ZNF654: variants seen among roughly 807,000 people sequenced by gnomAD.
ZNF654 encodes zinc finger protein 654, also known as melanoma-associated antigen.
Under a neutral mutation model 95.3 loss-of-function variants are expected in ZNF654, and 19 were observed. The ratio of observed to expected loss-of-function variants is 0.20; its 90% CI spans 0.14 to 0.29. The LOEUF (loss-of-function observed/expected upper bound fraction) is 0.29, where lower values mean the gene tolerates loss of function less well. Among genes scored for constraint, ZNF654 ranks in the 10% least tolerant of loss-of-function variants. The pLI is 1.00. For missense variants in ZNF654, 1,046 were observed against 1,341.0 expected (o/e 0.78, Z 3.44); for synonymous variants, 413 against 457.9 (o/e 0.90, Z 1.25).
At chr3:88,129,321 TA>T (rs11370327) in intron 5 of ZNF654, among the ~76,000 whole-genome samples, 356 of 76,926 alleles carry the variant, frequency 4.6e-3, no homozygotes, top group African/African-American at 0.016. Flanking sequence ...TTGCCAGGAG[TA>T]AAAAAAAAAA....
intron 1 of ZNF654, among the ~76,000 whole-genome samples, chr3:88,066,265 C>T (rs13060730): frequency 0.78 from 119,202 of 152,166 alleles, 47,611 homozygotes; most frequent in South Asian, 0.91. Context: ...TAACCACTCA[C>T]TACATTGCTT....
At chr3:88,088,751 T>G (rs1708470990) in intron 2 of ZNF654, among the ~76,000 whole-genome samples, 1 of 125,518 alleles carries the variant, frequency 8.0e-6, no homozygotes, top group African/African-American at 2.8e-5. Context: ...TATTTATGTA[T>G]GTATGTATGT....
chr3:88,097,310 A>G (rs1255917856), intron 2 of ZNF654, among the ~76,000 whole-genome samples: 1 of 151,742 alleles, frequency 6.6e-6, no homozygotes. Context: ...ACCAATTTAC[A>G]TTCTTGCCAG....
At chr3:88,087,203 G>C (rs1186787353) in intron 2 of ZNF654, among the ~76,000 whole-genome samples, 2 of 152,016 alleles carry the variant, frequency 1.3e-5, no homozygotes, top group East Asian at 3.9e-4. Flanking sequence ...CTCAGCCCCA[G>C]AGTACTTGGG....
chr3:88,121,331 G>GT (rs1279671421), intron 3 of ZNF654, among the ~76,000 whole-genome samples: 1 of 151,972 alleles, frequency 6.6e-6, no homozygotes, highest in East Asian at 1.9e-4. Flanking sequence ...AAATTCTTAA[G>GT]TTTTTTAATG....
At chr3:88,128,765 ATCTTT>A (rs1706270681) in intron 4 of ZNF654, 39 bp from the exon 5 acceptor site, 1 of 1,355,800 alleles carries the variant, frequency 7.4e-7, no homozygotes, top group Non-Finnish European at 9.9e-7. Flanking sequence ...GTTTGAGAGA[ATCTTT>A]TCTTGAGAGT....
chr3:88,134,432 T>A (rs952448043), intron 6 of ZNF654, among the ~76,000 whole-genome samples: 6 of 152,084 alleles, frequency 3.9e-5, no homozygotes, highest in Admixed American at 3.9e-4. Flanking sequence ...ATATATCAGC[T>A]CTATCATATG....
At chr3:88,135,786 T>A (rs1334960075) in intron 7 of ZNF654, among the ~76,000 whole-genome samples, 2 of 152,136 alleles carry the variant, frequency 1.3e-5, no homozygotes, top group African/African-American at 4.8e-5. Flanking sequence ...CCTGCAGATC[T>A]TTTAGTTTTT....
rs1400420874 is a variant in ZNF654, at chr3:88,101,044, T to C, written c.333-12071T>C. 3.9e-5 allele frequency among the ~76,000 whole-genome samples: 6 copies of C among 152,326 alleles called. No homozygotes were observed. The South Asian group carries it at 8.3e-4, about 21-fold the overall frequency. On this transcript the variant is annotated intron_variant, in intron 2 of 8. Coordinates refer to ENST00000636215, the MANE Select transcript of ZNF654 (RefSeq NM_001350134.2). ...AACTATCACCTAGCTTCAACAGTTA[T>C]CAGTATATTGTCAATCTTGTTTCAG...
intron 2 of ZNF654, chr3:88,095,674 G>T: frequency 2.2e-6 from 1 of 462,714 alleles, no homozygotes; most frequent in South Asian, 1.6e-5. Flanking sequence ...TTTTGGACTT[G>T]ATACTGTCAG....
intron 3 of ZNF654, among the ~76,000 whole-genome samples, chr3:88,118,423 A>T (rs1705547159): frequency 6.6e-6 from 1 of 152,140 alleles, no homozygotes; most frequent in Admixed American, 6.6e-5. Flanking sequence ...AAGGAGTTGA[A>T]AAGCCCACCC....
rs572255028 is a variant in ZNF654, at chr3:88,114,412, G to A, written c.414+1216G>A. Reference sequence around the variant, plus strand: ...GTATGAAAAACATAACATTTGTGAAGGGATATATCCTTTATTTTTTCCCTT... The same window carrying A: ...GTATGAAAAACATAACATTTGTGAAAGGATATATCCTTTATTTTTTCCCTT... On this transcript the variant is annotated intron_variant, in intron 3 of 8. Transcript: ENST00000636215. 2.4e-4 allele frequency among the ~76,000 whole-genome samples: 37 copies of A among 152,242 alleles called. 1 individual carries two copies. The highest frequency in any genetic ancestry group is 8.4e-4 in the African/African-American group (35 of 41,544).
At position 88,113,167 on chromosome 3, in the gene ZNF654, C is replaced by T. The variant is rs1427859796; in HGVS notation, c.385C>T (p.Pro129Ser). 4 of 1,533,698 alleles carry T rather than the reference C, an allele frequency of 2.6e-6. No homozygotes were observed. The highest frequency in any genetic ancestry group is 3.5e-6 in the Non-Finnish European group (4 of 1,145,530). Reference protein sequence around the residue: ...FFGRDEFYEEPLKDILGSFQE... With the variant: ...FFGRDEFYEESLKDILGSFQE... ...TGGAAGAGATGAGTTTTATGAAGAG[C>T]CCTTAAAGGATATTCTTGGATCATT... Residue 129 changes from proline to serine, a missense_variant, in exon 3 of 9, where the codon CCC becomes TCC. This residue lies in a region of ZNF654 where 91 missense variants were observed against 190.5 expected (regional missense o/e 0.48). Coordinates refer to ENST00000636215, the MANE Select transcript of ZNF654 (RefSeq NM_001350134.2).
chr3:88,059,831 G>C (rs1301164795), intron 1 of ZNF654, among the ~76,000 whole-genome samples: 3 of 152,172 alleles, frequency 2.0e-5, no homozygotes, highest in African/African-American at 7.2e-5. Context: ...CGAGAGTCCC[G>C]CCTTTCTTAT....
rs1211641053 is a variant in ZNF654, at chr3:88,138,951, A to G, written c.1282A>G (p.Ser428Gly). ...PDEEYNEGTS[S>G]VQNRVRFELL... ...TGAAGAATATAATGAAGGCACAAGTAGTGTTCAAAATCGTGTTCGTTTTGA... is the reference window on the plus strand; with the variant it reads ...TGAAGAATATAATGAAGGCACAAGTGGTGTTCAAAATCGTGTTCGTTTTGA... The change falls in exon 8 of 9, where the codon AGT (serine) becomes GGT (glycine). Residue 428 changes from serine to glycine, a missense_variant. Ser to Gly is a moderately conservative substitution (Grantham distance 56). Around this residue, in one of 9 missense-constraint regions of ZNF654, gnomAD observed 78 missense variants for 154.2 expected, o/e 0.51. Transcript: ENST00000636215. The G allele has an allele frequency of 2.4e-6, 3 of 1,243,382 alleles. No individual in the cohort carries two copies. The African/African-American group carries it at 4.7e-5, about 19-fold the overall frequency. 77.0% of individuals were successfully genotyped at this position (1,243,382 alleles called of 1,614,324 possible). A position where few individuals can be genotyped will look rare whatever the true frequency, so the allele number is the denominator to read the frequency against.
rs1706957266 is a variant in ZNF654, at chr3:88,138,807, A to G, written c.1138A>G (p.Ile380Val). 3 of 1,232,040 alleles carry G rather than the reference A, an allele frequency of 2.4e-6. No homozygotes were observed. The highest frequency in any genetic ancestry group is 4.1e-5 in the South Asian group (1 of 24,320). 76.3% of individuals were successfully genotyped at this position (1,232,040 alleles called of 1,614,324 possible). ...AACTAAATGTCTAATTTATAAAACA[A>G]TTGCACATTTTTTGCCAAATGATTT... ...PKTKCLIYKT[I>V]AHFLPNDLEI... Residue 380 changes from isoleucine to valine, a missense_variant, in exon 8 of 9, where the codon ATT (isoleucine) becomes GTT (valine). Ile to Val is a conservative substitution (Grantham distance 29). Coordinates refer to ENST00000636215, the MANE Select transcript of ZNF654 (RefSeq NM_001350134.2).
chr3:88,061,937 C>T (rs1379731624), intron 1 of ZNF654, among the ~76,000 whole-genome samples: 1 of 152,056 alleles, frequency 6.6e-6, no homozygotes, highest in Admixed American at 6.5e-5. Context: ...GGTTTATCTT[C>T]CTCTTTTTAG....
intron 2 of ZNF654, among the ~76,000 whole-genome samples, chr3:88,100,163 CG>C (rs1353156231): frequency 6.6e-6 from 1 of 151,910 alleles, no homozygotes; most frequent in African/African-American, 2.4e-5. Flanking sequence ...AAGTGGGTGC[CG>C]GATATGAACA....
rs1707247706 is a variant in ZNF654 at position 88,144,057 on chromosome 3, G to C, written c.*2405G>C. The C allele has an allele frequency of 6.6e-6, 1 of 152,084 alleles. No homozygotes were observed. The highest frequency in any genetic ancestry group is 2.4e-5 in the African/African-American group (1 of 41,358). The allele number at this position is 152,084 out of a possible 1,614,324, so 9.4% of individuals were successfully genotyped here. On this transcript the variant is annotated 3_prime_UTR_variant, in exon 9 of 9. Coordinates refer to ENST00000636215, the MANE Select transcript of ZNF654 (RefSeq NM_001350134.2). ...TACATGGACCAAGTTTCAAATCTTTGTTTTTAAATAAAAATTTCCTTCAAA... is the reference window on the plus strand; with the variant it reads ...TACATGGACCAAGTTTCAAATCTTTCTTTTTAAATAAAAATTTCCTTCAAA...
Sources: allele counts gnomAD v4.1 joint callset (sites outside exome capture counted in the v4.1 genomes callset), GRCh38; gene constraint gnomAD v4.1.1; regional missense constraint gnomAD v4.1.1; transcripts MANE v1.5; gene names NCBI Gene and HGNC (gene_info 2026-07-23, HGNC 2026-07-21).